ZEB1: variants seen among roughly 807,000 people sequenced by gnomAD.
The protein encoded by ZEB1 is zinc finger E-box-binding homeobox 1.
ZEB1 carries 21 observed loss-of-function variants against 84.9 expected under a neutral mutation model. The ratio of observed to expected loss-of-function variants is 0.25; its 90% confidence interval spans 0.18 to 0.36. The LOEUF (loss-of-function observed/expected upper bound fraction) is 0.36. ZEB1 is among the 10% of genes least tolerant of loss of function. The pLI is 1.00. For missense variants in ZEB1, 1,104 were observed against 1,330.2 expected (o/e 0.83, Z 2.65); for synonymous variants, 420 against 471.1 (o/e 0.89, Z 1.41).
At chr10:31,385,748 G>A (rs1455759721) in intron 1 of ZEB1, among the ~76,000 whole-genome samples, 2 of 151,848 alleles carry the variant, frequency 1.3e-5, no homozygotes, top group African/African-American at 4.8e-5. Context: ...AGCTGGTCTC[G>A]AACTCCTGAC....
At chr10:31,466,565 A>C (rs2062446879) in intron 2 of ZEB1, among the ~76,000 whole-genome samples, 1 of 152,202 alleles carries the variant, frequency 6.6e-6, no homozygotes, top group African/African-American at 2.4e-5. Flanking sequence ...GAAACAAACA[A>C]AAATGGAAAC....
At chr10:31,454,208 AC>A (rs2060925256) in intron 1 of ZEB1, among the ~76,000 whole-genome samples, 1 of 152,052 alleles carries the variant, frequency 6.6e-6, no homozygotes, top group African/African-American at 2.4e-5. Flanking sequence ...AAAATTCAAC[AC>A]CCCTTCATGC....
chr10:31,449,942 T>C (rs1202200028), intron 1 of ZEB1, among the ~76,000 whole-genome samples: 3 of 152,206 alleles, frequency 2.0e-5, no homozygotes, highest in Admixed American at 1.3e-4. Context: ...ATGAGGAAAC[T>C]GAGACATTAG....
At chr10:31,380,595 G>C (rs568252917) in intron 1 of ZEB1, among the ~76,000 whole-genome samples, 138 of 152,220 alleles carry the variant, frequency 9.1e-4, no homozygotes, top group African/African-American at 3.0e-3. Flanking sequence ...GCAAGAGAAT[G>C]AATTTTTAAA....
intron 1 of ZEB1, among the ~76,000 whole-genome samples, chr10:31,380,714 C>T (rs369027844): frequency 1.3e-5 from 2 of 152,000 alleles, no homozygotes; most frequent in Admixed American, 1.3e-4. Flanking sequence ...TGGAAAGAAG[C>T]CTGGTGTCTT....
intron 1 of ZEB1, among the ~76,000 whole-genome samples, chr10:31,439,545 C>T (rs541532064): frequency 1.3e-5 from 2 of 151,720 alleles, no homozygotes; most frequent in Admixed American, 6.6e-5. Context: ...CAGTGGTGAT[C>T]GAAACAGAAA....
At chr10:31,333,749 C>G (rs1431096263) in intron 1 of ZEB1, among the ~76,000 whole-genome samples, 1 of 151,936 alleles carries the variant, frequency 6.6e-6, no homozygotes, top group Admixed American at 6.6e-5. Flanking sequence ...AAAAAATCCT[C>G]CACTTAACAG....
chr10:31,527,134 A>AT lies in ZEB1; in HGVS notation c.3249dup (p.Glu1084Ter). On this transcript the variant is annotated frameshift_variant, in exon 9 of 9. Transcript: ENST00000424869. LOFTEE classifies it low-confidence loss of function (END_TRUNC). ...GAAGAAGAGGTAGAAGAGGCAGAGA[A>AT]TGAGGGAGAAGAAGCAAAAACTGAA... The AT allele has an allele frequency of 6.2e-7, 1 of 1,608,464 alleles. No homozygotes were observed. Among genetic ancestry groups the AT allele is most frequent in the Non-Finnish European group, 8.5e-7 (1 of 1,177,162 alleles).
chr10:31,434,876 C>G (rs1591224575), intron 1 of ZEB1, among the ~76,000 whole-genome samples: 2 of 151,932 alleles, frequency 1.3e-5, no homozygotes, highest in African/African-American at 4.8e-5. Flanking sequence ...TTTGTTATGC[C>G]CTGTAAAGCT....
chr10:31,516,539 TAAAAAAAAAAAAAAAAAAAAAAAAA>T (rs71027029), intron 6 of ZEB1, among the ~76,000 whole-genome samples: 4 of 34,030 alleles, frequency 1.2e-4, no homozygotes, highest in African/African-American at 2.0e-4. Flanking sequence ...TGTCTGTAAG[TAAAAAAAAAAAAAAAAAAAAAAAAA>T]AAAAAAAAAA....
intron 1 of ZEB1, among the ~76,000 whole-genome samples, chr10:31,452,134 A>T (rs1422402785): frequency 6.6e-6 from 1 of 152,118 alleles, no homozygotes; most frequent in Non-Finnish European, 1.5e-5. Flanking sequence ...TTACCTAGAG[A>T]AGGATTTAAA....
intron 1 of ZEB1, among the ~76,000 whole-genome samples, chr10:31,428,332 T>G (rs2057254925): frequency 6.6e-6 from 1 of 152,232 alleles, no homozygotes; most frequent in African/African-American, 2.4e-5. Flanking sequence ...CCAAAAGTCA[T>G]TCAGGAGTAG....
intron 2 of ZEB1, among the ~76,000 whole-genome samples, chr10:31,495,485 T>A (rs2067091212): frequency 6.6e-6 from 1 of 152,094 alleles, no homozygotes; most frequent in African/African-American, 2.4e-5. Context: ...CAAGGACACA[T>A]TACCATATTC....
chr10:31,491,388 T>G (rs1057398506), intron 2 of ZEB1, among the ~76,000 whole-genome samples: 1 of 151,808 alleles, frequency 6.6e-6, no homozygotes, highest in Non-Finnish European at 1.5e-5. Flanking sequence ...GCTACTACCT[T>G]GAAGGCTAGG....
chr10:31,519,679 A>G (rs1037356923), intron 6 of ZEB1, among the ~76,000 whole-genome samples: 12 of 152,376 alleles, frequency 7.9e-5, no homozygotes, highest in African/African-American at 2.6e-4. Context: ...ATAGATATTC[A>G]TACTTGTTAA....
intron 1 of ZEB1, 156 bp downstream of exon 1, chr10:31,319,448 T>A: frequency 2.8e-6 from 2 of 704,340 alleles, no homozygotes; most frequent in Non-Finnish European, 4.7e-6. Flanking sequence ...TCTGCCCCCC[T>A]CCGCTGCCGC....
At position 31,405,720 on chromosome 10, in the gene ZEB1, TA is replaced by T. The variant is rs1384573039; in HGVS notation, c.59-55313del. Among the ~76,000 whole-genome samples, 12 of 151,466 alleles carry T rather than the reference TA, an allele frequency of 7.9e-5. 1 individual carries two copies. The highest frequency in any genetic ancestry group is 2.0e-4 in the Admixed American group (3 of 15,232). On this transcript the variant is annotated intron_variant, in intron 1 of 8. Transcript: ENST00000424869. ...ATTACACCTAGGCTCTTTTTTTTTT[TA>T]AAATTTAAGTTCTGGGATACATCTG...
In ZEB1 at chr10:31,469,757, G is replaced by A. The variant is rs558633942; in HGVS notation, c.259+8520G>A. On this transcript the variant is annotated intron_variant, in intron 2 of 8. Transcript: ENST00000424869. ...GCCTCTGTAGGCTCCACCTCTGGGG[G>A]CAGGGCACAGACAAACAAAAAGACA... 1.0e-3 allele frequency among the ~76,000 whole-genome samples: 158 copies of A among 152,274 alleles called. 1 individual carries two copies. The highest frequency in any genetic ancestry group is 4.3e-4 in the Non-Finnish European group (29 of 68,012).
intron 2 of ZEB1, among the ~76,000 whole-genome samples, chr10:31,483,580 C>T (rs1267859036): frequency 6.6e-6 from 1 of 151,986 alleles, no homozygotes; most frequent in Admixed American, 6.6e-5. Context: ...TTTAATTTCC[C>T]ATGGCCTCCA....
Sources: gnomAD v4.1 joint callset for allele counts (sites outside exome capture counted in the v4.1 genomes callset) on GRCh38, gnomAD v4.1.1 for gene constraint, MANE v1.5 for transcripts, NCBI Gene and HGNC (gene_info 2026-07-23, HGNC 2026-07-21) for gene names.